CAST: variants seen among roughly 807,000 people sequenced by gnomAD.
CAST encodes MIR583 host.
CAST carries 76 observed loss-of-function variants against 119.6 expected under a neutral mutation model. That is an observed-to-expected ratio of 0.64 (90% confidence interval 0.53 to 0.77). CAST has a LOEUF of 0.77. Ranked by LOEUF, CAST falls within the 30% of genes least tolerant of loss-of-function variation. The pLI is 0.00. For missense variants in CAST, 953 were observed against 946.5 expected (o/e 1.01, Z -0.09); for synonymous variants, 319 against 331.6 (o/e 0.96, Z 0.41).
In CAST at chr5:96,765,211, T is replaced by C. The variant is rs1004548803; in HGVS notation, c.1933-10T>C. 29 of 1,524,684 alleles carry C rather than the reference T, an allele frequency of 1.9e-5. No homozygotes were observed. The highest frequency in any genetic ancestry group is 4.1e-5 in the African/African-American group (3 of 72,390). The allele number at this position is 1,524,684 out of a possible 1,614,324, so 94.4% of individuals were successfully genotyped here. Reference sequence around the variant, plus strand: ...AATGAGTGACTAATTCAGCATTATTTACTTTTCAGCAGAGTGACAAAGACC... The same window carrying C: ...AATGAGTGACTAATTCAGCATTATTCACTTTTCAGCAGAGTGACAAAGACC... On this transcript the variant is annotated splice_polypyrimidine_tract_variant and intron_variant, in intron 25 of 31. Transcript: ENST00000675179.
At chr5:96,393,994 G>C in the CAST span, among the ~76,000 whole-genome samples, 1 of 152,220 alleles carries the variant, frequency 6.6e-6, no homozygotes, top group East Asian at 1.9e-4. Flanking sequence ...AGACTGTGAA[G>C]AAAAGTACTC....
At chr5:96,259,885 T>C in the CAST span, among the ~76,000 whole-genome samples, 6 of 107,168 alleles carry the variant, frequency 5.6e-5, no homozygotes, top group Non-Finnish European at 1.1e-4. Flanking sequence ...ATTACATTGC[T>C]TTTTTTTTTT....
At chr5:96,062,360 T>C in the CAST span, among the ~76,000 whole-genome samples, 2 of 152,142 alleles carry the variant, frequency 1.3e-5, no homozygotes, top group African/African-American at 2.4e-5. Flanking sequence ...AAGTGCAGCA[T>C]ATCCCTTAAC....
chr5:96,373,642 A>G, the CAST span, among the ~76,000 whole-genome samples: 6 of 152,220 alleles, frequency 3.9e-5, no homozygotes, highest in African/African-American at 1.4e-4. Context: ...ATAACTTAAC[A>G]TCTAACAATA....
At chr5:96,023,425 C>A in the CAST span, among the ~76,000 whole-genome samples, 2 of 152,246 alleles carry the variant, frequency 1.3e-5, no homozygotes, top group East Asian at 3.9e-4. Flanking sequence ...GCTATTTTGA[C>A]CTCTTCTTTC....
chr5:96,410,885 G>A, the CAST span: 1 of 1,613,910 alleles, frequency 6.2e-7, no homozygotes, highest in East Asian at 2.2e-5. Flanking sequence ...TGATGGAGAT[G>A]GTGTAGATGC....
intron 1 of CAST, among the ~76,000 whole-genome samples, chr5:96,537,978 C>T (rs1361506336): frequency 3.9e-5 from 6 of 152,166 alleles, no homozygotes. Flanking sequence ...TGCTTTCAGC[C>T]CTCTCTTTCA....
At chr5:96,356,745 T>C in the CAST span, among the ~76,000 whole-genome samples, 2 of 152,214 alleles carry the variant, frequency 1.3e-5, no homozygotes, top group African/African-American at 4.8e-5. Flanking sequence ...CCTTGTAGTA[T>C]AGTTTGAAGT....
chr5:96,368,357 G>A, the CAST span, among the ~76,000 whole-genome samples: 11 of 151,740 alleles, frequency 7.2e-5, no homozygotes, highest in South Asian at 2.1e-4. Flanking sequence ...AAAATTAGCC[G>A]GGCATGGTGA....
intron 1 of CAST, among the ~76,000 whole-genome samples, chr5:96,561,751 G>A (rs936182955): frequency 1.4e-5 from 2 of 142,206 alleles, no homozygotes; most frequent in Non-Finnish European, 3.0e-5. Flanking sequence ...GGATATATAT[G>A]TCCATATATA....
the CAST span, among the ~76,000 whole-genome samples, chr5:96,504,019 C>A: frequency 1.3e-5 from 2 of 152,130 alleles, no homozygotes; most frequent in Non-Finnish European, 2.9e-5. Context: ...GGCTGACATG[C>A]AGGCCAGAAG....
the CAST span, among the ~76,000 whole-genome samples, chr5:96,194,089 C>A: frequency 6.6e-6 from 1 of 152,064 alleles, no homozygotes; most frequent in African/African-American, 2.4e-5. Flanking sequence ...ATGACCATAC[C>A]TAAAAGAAAG....
At chr5:96,458,174 C>T in the CAST span, among the ~76,000 whole-genome samples, 5 of 152,048 alleles carry the variant, frequency 3.3e-5, no homozygotes, top group Non-Finnish European at 7.4e-5. Context: ...AAAAATGAGA[C>T]TAATAATAAT....
At chr5:96,390,367 C>T in the CAST span, 9 of 152,044 alleles carry the variant, frequency 5.9e-5, no homozygotes, top group Non-Finnish European at 1.0e-4. Context: ...TTTCTTTTGA[C>T]TTAGTGAGAA....
At chr5:96,727,855 G>A (rs1326870930) in intron 6 of CAST, among the ~76,000 whole-genome samples, 1 of 152,210 alleles carries the variant, frequency 6.6e-6, no homozygotes, top group Non-Finnish European at 1.5e-5. Flanking sequence ...AAGGCAAAGA[G>A]TAGTAATGAA....
At chr5:96,143,500 T>C in the CAST span, among the ~76,000 whole-genome samples, 1 of 152,332 alleles carries the variant, frequency 6.6e-6, no homozygotes, top group East Asian at 1.9e-4. Flanking sequence ...CAGAATTGAA[T>C]TGTCATTTTC....
the CAST span, among the ~76,000 whole-genome samples, chr5:96,112,039 T>C: frequency 2.6e-5 from 4 of 151,404 alleles, no homozygotes; most frequent in African/African-American, 9.7e-5. Flanking sequence ...AGTAGTTTTC[T>C]ATTTATATTA....
At chr5:96,211,255 G>A in the CAST span, among the ~76,000 whole-genome samples, 2 of 152,078 alleles carry the variant, frequency 1.3e-5, no homozygotes, top group South Asian at 2.1e-4. Context: ...ATCTTTGAGG[G>A]AAAGCGTTAA....
At chr5:96,752,562 A>ATTT (rs869108023) in intron 20 of CAST, among the ~76,000 whole-genome samples, 17 of 16,120 alleles carry the variant, frequency 1.1e-3, no homozygotes, top group African/African-American at 3.6e-3. Flanking sequence ...AACCTCAGGG[A>ATTT]TTTTTTTTTT....
Sources: gnomAD v4.1 joint callset for allele counts (sites outside exome capture counted in the v4.1 genomes callset) on GRCh38, gnomAD v4.1.1 for gene constraint, MANE v1.5 for transcripts, NCBI Gene and HGNC (gene_info 2026-07-23, HGNC 2026-07-21) for gene names.